Variants in FHIP1A observed in about 807,000 individuals in gnomAD.
The protein encoded by FHIP1A is FHF complex subunit HOOK interacting protein 1A.
Under a neutral mutation model 88.6 loss-of-function variants are expected in FHIP1A, and 61 were observed. That is an observed-to-expected ratio of 0.69 (90% confidence interval 0.56 to 0.85). The LOEUF (loss-of-function observed/expected upper bound fraction) is 0.85, where lower values mean the gene tolerates loss of function less well. Ranked by LOEUF, FHIP1A falls within the 40% of genes least tolerant of loss-of-function variation. FHIP1A has a pLI of 0.00. For missense variants in FHIP1A, 1,154 were observed against 1,273.5 expected, an observed-to-expected ratio of 0.91 and a Z score of 1.43; for synonymous variants, 478 against 496.0, an observed-to-expected ratio of 0.96 and a Z score of 0.48.
At chr4:151,548,782 CGTG>C (rs1238833619) in intron 3 of FHIP1A, among the ~76,000 whole-genome samples, 1 of 152,134 alleles carries the variant, frequency 6.6e-6, no homozygotes, top group African/African-American at 2.4e-5. Flanking sequence ...ATTAGCCAGG[CGTG>C]GTGGCACACG....
chr4:151,467,534 C>T (rs1729363641), intron 2 of FHIP1A, among the ~76,000 whole-genome samples: 1 of 152,144 alleles, frequency 6.6e-6, no homozygotes, highest in South Asian at 2.1e-4. Flanking sequence ...CATATGTTTA[C>T]TCCAGCACTG....
intron 4 of FHIP1A, among the ~76,000 whole-genome samples, chr4:151,567,662 T>A (rs1470424728): frequency 6.6e-6 from 1 of 152,160 alleles, no homozygotes; most frequent in East Asian, 1.9e-4. Context: ...GCCCAGTAGT[T>A]CATTGGGTGT....
chr4:151,564,419 G>T (rs1208318107), intron 3 of FHIP1A, among the ~76,000 whole-genome samples: 1 of 151,324 alleles, frequency 6.6e-6, no homozygotes, highest in Non-Finnish European at 1.5e-5. Flanking sequence ...GGCTGTAAAT[G>T]TAAATGTTTA....
At chr4:151,577,304 C>A in intron 4 of FHIP1A, 146 bp from the exon 5 acceptor site, 1 of 313,204 alleles carries the variant, frequency 3.2e-6, no homozygotes, top group Non-Finnish European at 5.8e-6. Context: ...GAGAGGGAGA[C>A]ACACACACAC....
At chr4:151,478,257 G>A (rs913833406) in intron 2 of FHIP1A, among the ~76,000 whole-genome samples, 2 of 152,076 alleles carry the variant, frequency 1.3e-5, no homozygotes, top group Admixed American at 1.3e-4. Flanking sequence ...ATGTTTATTT[G>A]TGTAAAAAAC....
At position 151,558,109 on chromosome 4, in the gene FHIP1A, A is replaced by C. The variant is rs142606662; in HGVS notation, c.-122-8029A>C. On this transcript the variant is annotated intron_variant, in intron 3 of 13. Coordinates refer to ENST00000435205, the MANE Select transcript of FHIP1A (RefSeq NM_001109977.3). ...GTTAGATCTGCCATTAATGAGTGCA[A>C]TATTTTAAAGAGGAAGTCTAAGAAA... Among the ~76,000 whole-genome samples, 8 of 152,352 alleles carry C rather than the reference A, an allele frequency of 5.3e-5. No individual in the cohort carries two copies. In the East Asian group the frequency reaches 1.5e-3, roughly 29 times the overall value.
intron 2 of FHIP1A, among the ~76,000 whole-genome samples, chr4:151,473,729 G>A (rs1305963333): frequency 1.3e-5 from 2 of 152,156 alleles, no homozygotes; most frequent in Admixed American, 6.6e-5. Flanking sequence ...CAACAGACTG[G>A]TTTAAGAGAG....
intron 9 of FHIP1A, among the ~76,000 whole-genome samples, chr4:151,639,785 G>A (rs956241388): frequency 3.3e-5 from 5 of 152,102 alleles, no homozygotes; most frequent in African/African-American, 7.2e-5. Flanking sequence ...AAGCAAAAAC[G>A]AAAAAGTGGG....
At chr4:151,641,310 CCTT>C (rs1330771422) in intron 9 of FHIP1A, among the ~76,000 whole-genome samples, 1 of 152,194 alleles carries the variant, frequency 6.6e-6, no homozygotes, top group African/African-American at 2.4e-5. Flanking sequence ...CTCCTGGTAT[CCTT>C]CTTCTGCACT....
chr4:151,637,698 TG>T (rs1736406447), intron 8 of FHIP1A, among the ~76,000 whole-genome samples: 1 of 152,074 alleles, frequency 6.6e-6, no homozygotes, highest in Admixed American at 6.6e-5. Flanking sequence ...AGTTAGCCCA[TG>T]GGGGAGTCAG....
chr4:151,415,136 T>C (rs1732835283), intron 1 of FHIP1A, among the ~76,000 whole-genome samples: 1 of 151,910 alleles, frequency 6.6e-6, no homozygotes, highest in South Asian at 2.1e-4. Flanking sequence ...CATTTTGTTT[T>C]TTTTACTGGC....
chr4:151,463,446 C>T (rs184917075), intron 2 of FHIP1A, among the ~76,000 whole-genome samples: 1 of 152,236 alleles, frequency 6.6e-6, no homozygotes, highest in Non-Finnish European at 1.5e-5. Context: ...CCTTGATCGT[C>T]ACAGACAATT....
intron 3 of FHIP1A, among the ~76,000 whole-genome samples, chr4:151,497,015 T>G (rs1730488265): frequency 6.6e-6 from 1 of 151,944 alleles, no homozygotes; most frequent in Non-Finnish European, 1.5e-5. Context: ...AGCAACAATA[T>G]ATAGCTGGGA....
intron 1 of FHIP1A, among the ~76,000 whole-genome samples, chr4:151,418,204 ACT>A (rs1422796771): frequency 1.3e-5 from 2 of 150,112 alleles, no homozygotes; most frequent in Admixed American, 6.7e-5. Flanking sequence ...AACAAGAGAA[ACT>A]CTGACAACAT....
At chr4:151,604,490 A>G (rs143052507) in intron 7 of FHIP1A, among the ~76,000 whole-genome samples, 2 of 152,256 alleles carry the variant, frequency 1.3e-5, no homozygotes, top group East Asian at 1.9e-4. Context: ...TAACAGCTCA[A>G]AATAATTTGC....
chr4:151,632,400 A>G (rs1736188885), intron 8 of FHIP1A, among the ~76,000 whole-genome samples: 2 of 151,996 alleles, frequency 1.3e-5, no homozygotes, highest in African/African-American at 4.8e-5. Flanking sequence ...GGAGACTTCA[A>G]TGCCCTACTT....
At chr4:151,583,712 T>A (rs1220260756) in intron 5 of FHIP1A, among the ~76,000 whole-genome samples, 1 of 152,218 alleles carries the variant, frequency 6.6e-6, no homozygotes, top group East Asian at 1.9e-4. Context: ...TAATTTAGCA[T>A]GAGTTAGCAA....
chr4:151,601,709 G>GA (rs1250791674), intron 7 of FHIP1A, among the ~76,000 whole-genome samples: 1 of 151,444 alleles, frequency 6.6e-6, no homozygotes, highest in Non-Finnish European at 1.5e-5. Context: ...AAGAGCATTA[G>GA]ACTGTGAGTA....
intron 3 of FHIP1A, among the ~76,000 whole-genome samples, chr4:151,484,829 G>A (rs965850948): frequency 8.5e-5 from 13 of 152,156 alleles, no homozygotes; most frequent in African/African-American, 1.7e-4. Context: ...GTTAAAAGTC[G>A]TCTACATGAG....
Sources: gnomAD v4.1 joint callset for allele counts (sites outside exome capture counted in the v4.1 genomes callset) on GRCh38, gnomAD v4.1.1 for gene constraint, MANE v1.5 for transcripts, NCBI Gene and HGNC (gene_info 2026-07-23, HGNC 2026-07-21) for gene names.